The following GALNT7 variants were observed in gnomAD, a reference collection of about 807,000 sequenced individuals.
GALNT7 encodes N-acetylgalactosaminyltransferase 7.
Under a neutral mutation model 82.1 loss-of-function variants are expected in GALNT7, and 60 were observed. The observed-to-expected ratio is 0.73, with a 90% CI of 0.59 to 0.91. The LOEUF (loss-of-function observed/expected upper bound fraction) is 0.91. Ranked by LOEUF, GALNT7 falls within the 40% of genes least tolerant of loss-of-function variation. The pLI, the probability that GALNT7 is intolerant of heterozygous loss-of-function variation, is 0.00. For missense variants in GALNT7, 660 were observed against 804.2 expected, an observed-to-expected ratio of 0.82 and a Z score of 2.17; for synonymous variants, 243 against 275.1, an observed-to-expected ratio of 0.88 and a Z score of 1.15.
chr4:173,268,697 AT>A (rs546718708), intron 2 of GALNT7, among the ~76,000 whole-genome samples: 4,961 of 140,584 alleles, frequency 0.035, 202 homozygotes, highest in African/African-American at 0.098. Context: ...CGCCCAGCTA[AT>A]TTTTTTTTTT....
intron 1 of GALNT7, among the ~76,000 whole-genome samples, chr4:173,215,493 G>C (rs1733416955): frequency 6.6e-6 from 1 of 152,100 alleles, no homozygotes; most frequent in South Asian, 2.1e-4. Context: ...GCCTTTCGAA[G>C]TGCTGGGATT....
In GALNT7 at chr4:173,297,399, C is replaced by A. The variant is rs545107190; in HGVS notation, c.966-716C>A. On this transcript the variant is annotated intron_variant, in intron 5 of 11. Transcript: ENST00000265000. ...GAATGTGGCAAGTACTATCTGTGAC[C>A]CCACACACACGCACACGCATGCACA... 2.4e-4 allele frequency among the ~76,000 whole-genome samples: 36 copies of A among 152,156 alleles called. No individual in the cohort carries two copies. The South Asian group carries it at 7.1e-3, about 30-fold the overall frequency.
At chr4:173,222,216 T>G (rs1284518758) in intron 1 of GALNT7, among the ~76,000 whole-genome samples, 1 of 152,228 alleles carries the variant, frequency 6.6e-6, no homozygotes, top group African/African-American at 2.4e-5. Flanking sequence ...TAATAATCTA[T>G]ACCACATATT....
Position 173,248,438 on chromosome 4 carries a change from A to C in GALNT7, c.585A>C (p.Glu195Asp), listed in dbSNP as rs1303578524. Reference protein sequence around the residue: ...LDRSVNDLRQEECKYWHYDEN... With the variant: ...LDRSVNDLRQDECKYWHYDEN... ...GCAGCGTCAATGACTTACGCCAAGA[A>C]GAGTAAGCACACATCCTCTTCTTTC... The change falls in exon 2 of 12, where the codon GAA becomes GAC. Residue 195 changes from glutamate to aspartate, a missense_variant and splice_region_variant. Transcript: ENST00000265000. 6.3e-6 allele frequency: 10 copies of C among 1,587,686 alleles called. No individual in the cohort carries two copies. Among genetic ancestry groups the C allele is most frequent in the Non-Finnish European group, 8.6e-6 (10 of 1,161,092 alleles).
chr4:173,301,769 C>A (rs1287582915), intron 6 of GALNT7, among the ~76,000 whole-genome samples: 1 of 152,138 alleles, frequency 6.6e-6, no homozygotes, highest in African/African-American at 2.4e-5. Flanking sequence ...ATTTTTAAAT[C>A]CACAGAGGTA....
intron 2 of GALNT7, among the ~76,000 whole-genome samples, chr4:173,284,583 C>T (rs6553691): frequency 0.11 from 16,272 of 151,998 alleles, 2,104 homozygotes; most frequent in African/African-American, 0.31. Context: ...AAGCAAGGGG[C>T]CAGGAAAGAC....
chr4:173,193,349 C>A (rs1732682461), intron 1 of GALNT7, among the ~76,000 whole-genome samples: 1 of 152,138 alleles, frequency 6.6e-6, no homozygotes, highest in Non-Finnish European at 1.5e-5. Context: ...CTGCTTTACC[C>A]TAAAGGAATT....
At chr4:173,280,556 G>A (rs892326887) in intron 2 of GALNT7, among the ~76,000 whole-genome samples, 4 of 152,146 alleles carry the variant, frequency 2.6e-5, no homozygotes, top group Non-Finnish European at 4.4e-5. Context: ...ATCATTGCAA[G>A]CCTGTAATCT....
At chr4:173,218,225 G>A (rs1243236678) in intron 1 of GALNT7, among the ~76,000 whole-genome samples, 1 of 152,062 alleles carries the variant, frequency 6.6e-6, no homozygotes, top group East Asian at 1.9e-4. Flanking sequence ...TTTCATTTAT[G>A]AACCAAATAA....
chr4:173,266,327 A>T (rs1003169738), intron 2 of GALNT7, among the ~76,000 whole-genome samples: 1 of 152,196 alleles, frequency 6.6e-6, no homozygotes, highest in Non-Finnish European at 1.5e-5. Flanking sequence ...GTTCCTTGGT[A>T]CTGTGAGAGA....
chr4:173,211,525 G>A (rs1327470120), intron 1 of GALNT7, among the ~76,000 whole-genome samples: 1 of 152,044 alleles, frequency 6.6e-6, no homozygotes, highest in Non-Finnish European at 1.5e-5. Context: ...CTAACATATA[G>A]GATAAGAATG....
chr4:173,234,801 A>C (rs1360975078), intron 1 of GALNT7, among the ~76,000 whole-genome samples: 1 of 152,104 alleles, frequency 6.6e-6, no homozygotes, highest in Admixed American at 6.5e-5. Context: ...ACTGGTTATA[A>C]AACAAAACAA....
At chr4:173,260,978 C>T (rs1417037810) in intron 2 of GALNT7, among the ~76,000 whole-genome samples, 1 of 152,150 alleles carries the variant, frequency 6.6e-6, no homozygotes, top group Non-Finnish European at 1.5e-5. Context: ...TACCTTCCAC[C>T]ACCATGCAGT....
chr4:173,250,989 G>A (rs181288419), intron 2 of GALNT7, among the ~76,000 whole-genome samples: 11 of 152,208 alleles, frequency 7.2e-5, no homozygotes, highest in African/African-American at 2.4e-4. Flanking sequence ...CTTCTCTTTA[G>A]CCATTTTCTT....
chr4:173,219,336 G>A (rs1322993336), intron 1 of GALNT7, among the ~76,000 whole-genome samples: 1 of 150,930 alleles, frequency 6.6e-6, no homozygotes, highest in Admixed American at 6.6e-5. Context: ...GTTCCATGGT[G>A]TGTGTGTGTG....
intron 2 of GALNT7, among the ~76,000 whole-genome samples, chr4:173,260,561 A>G (rs891579676): frequency 6.6e-6 from 1 of 152,208 alleles, no homozygotes; most frequent in South Asian, 2.1e-4. Context: ...TGACTGAGGC[A>G]AGAGTTGTGG....
At chr4:173,236,233 A>G (rs1734227343) in intron 1 of GALNT7, among the ~76,000 whole-genome samples, 1 of 152,096 alleles carries the variant, frequency 6.6e-6, no homozygotes, top group African/African-American at 2.4e-5. Flanking sequence ...ACCGTTGTCT[A>G]TCAGAGAGCT....
intron 1 of GALNT7, among the ~76,000 whole-genome samples, chr4:173,183,043 AACACACAC>A (rs35043722): frequency 0.18 from 22,101 of 124,874 alleles, 1,779 homozygotes; most frequent in Non-Finnish European, 0.21. Context: ...CACACACATA[AACACACAC>A]ACACACACAC....
Position 173,173,684 on chromosome 4 carries a change from C to T in GALNT7, c.126+4723C>T, listed in dbSNP as rs577653643. ...CTCCATGACCCAGGGTTGGGGACCC[C>T]TGCATTAAAACATTCAGTACTGGTG... On this transcript the variant is annotated intron_variant, in intron 1 of 11. Transcript: ENST00000265000. 2.6e-5 allele frequency among the ~76,000 whole-genome samples: 4 copies of T among 152,302 alleles called. No homozygotes were observed. The East Asian group carries it at 7.7e-4, about 29-fold the overall frequency.
Sources: gnomAD v4.1 joint callset for allele counts (sites outside exome capture counted in the v4.1 genomes callset) on GRCh38, gnomAD v4.1.1 for gene constraint, MANE v1.5 for transcripts, NCBI Gene and HGNC (gene_info 2026-07-23, HGNC 2026-07-21) for gene names.